Variants in ULK4 observed in about 807,000 individuals in gnomAD.
ULK4 encodes the protein unc-51 like kinase 4.
A neutral mutation model predicts 160.6 loss-of-function variants in ULK4; 133 were observed. The observed-to-expected ratio is 0.83, with a 90% CI of 0.72 to 0.96. The LOEUF (loss-of-function observed/expected upper bound fraction) is 0.96. Among genes scored for constraint, ULK4 ranks in the 40% least tolerant of loss-of-function variants. ULK4 has a pLI of 0.00. For synonymous variants in ULK4, 534 were observed against 539.8 expected, an observed-to-expected ratio of 0.99 and a Z score of 0.15; for missense variants, 1,580 against 1,499.5, an observed-to-expected ratio of 1.05 and a Z score of -0.89.
chr3:41,807,716 G>T (rs1173936093), intron 19 of ULK4, among the ~76,000 whole-genome samples: 1 of 152,088 alleles, frequency 6.6e-6, no homozygotes, highest in African/African-American at 2.4e-5. Context: ...AGACTGCTAG[G>T]AAAGAAATCT....
intron 32 of ULK4, among the ~76,000 whole-genome samples, chr3:41,541,160 TA>T (rs1357510206): frequency 6.6e-6 from 1 of 152,062 alleles, no homozygotes; most frequent in Non-Finnish European, 1.5e-5. Context: ...TTTATGGTTT[TA>T]TCTTACATTG....
chr3:41,886,180 G>A (rs979823962), intron 16 of ULK4, among the ~76,000 whole-genome samples: 2 of 152,204 alleles, frequency 1.3e-5, no homozygotes, highest in African/African-American at 4.8e-5. Context: ...TGTGCTGAAT[G>A]TGGAAGCTAC....
At chr3:41,711,890 C>A (rs1007570312) in intron 25 of ULK4, among the ~76,000 whole-genome samples, 2 of 152,206 alleles carry the variant, frequency 1.3e-5, no homozygotes, top group Non-Finnish European at 2.9e-5. Context: ...GTATTCACCA[C>A]AGAACTTCCC....
rs1559529598 is a variant in ULK4 at position 41,333,765 on chromosome 3, C to G, written c.3678+64314G>C. Among the ~76,000 whole-genome samples, 2 of 152,046 alleles carry G rather than the reference C, an allele frequency of 1.3e-5. 1 individual carries two copies. The highest frequency in any genetic ancestry group is 4.8e-5 in the African/African-American group (2 of 41,378). ...CGGGATAGAAACAGTAGAAAATAAACCAATTTGGCAGCACATCAGAATCGC... is the reference window on the plus strand; with the variant it reads ...CGGGATAGAAACAGTAGAAAATAAAGCAATTTGGCAGCACATCAGAATCGC... On this transcript the variant is annotated intron_variant, in intron 35 of 36. Coordinates refer to ENST00000301831, the MANE Select transcript of ULK4 (RefSeq NM_017886.4).
At chr3:41,382,731 C>G (rs1163432818) in intron 35 of ULK4, among the ~76,000 whole-genome samples, 2 of 152,020 alleles carry the variant, frequency 1.3e-5, no homozygotes, top group African/African-American at 4.8e-5. Context: ...TTAAAATACT[C>G]TCTTGGATAA....
chr3:41,939,308 C>T (rs1414191732), intron 2 of ULK4, among the ~76,000 whole-genome samples: 2 of 151,900 alleles, frequency 1.3e-5, no homozygotes, highest in African/African-American at 2.4e-5. Context: ...TACAGGTACA[C>T]ACCACCACAC....
At chr3:41,920,705 T>C (rs148049064) in intron 5 of ULK4, among the ~76,000 whole-genome samples, 13 of 152,292 alleles carry the variant, frequency 8.5e-5, no homozygotes, top group African/African-American at 3.1e-4. Flanking sequence ...GGAAACAAAA[T>C]TCCACTGAGG....
At chr3:41,832,903 T>A (rs548094422) in intron 18 of ULK4, among the ~76,000 whole-genome samples, 29 of 152,344 alleles carry the variant, frequency 1.9e-4, no homozygotes, top group African/African-American at 6.3e-4. Flanking sequence ...ATGTCTGTTT[T>A]GTACCAGTAC....
intron 34 of ULK4, among the ~76,000 whole-genome samples, chr3:41,425,596 C>T (rs1463932120): frequency 6.6e-6 from 1 of 151,484 alleles, no homozygotes; most frequent in Non-Finnish European, 1.5e-5. Flanking sequence ...CATAACCTCT[C>T]AGCAGAAGAG....
In ULK4 at chr3:41,789,810, C is replaced by T. The variant is rs751963696; in HGVS notation, c.2044G>A (p.Ala682Thr). The T allele has an allele frequency of 8.1e-6, 13 of 1,612,486 alleles. No individual in the cohort carries two copies. The highest frequency in any genetic ancestry group is 3.3e-5 in the Admixed American group (2 of 59,704). ...ACCTTTTCAATAACATTCTGGAAGG[C>T]AGTAGGAGAATGGCGAGTGATTCTA... ...LCRITRHSPT[A>T]FQNVIEKVGL... Residue 682 changes from alanine to threonine, a missense_variant, in exon 21 of 37, where the codon GCC becomes ACC. Ala to Thr is a moderately conservative substitution (Grantham distance 58). Transcript: ENST00000301831.
At chr3:41,631,406 AGACT>A (rs1321506328) in intron 30 of ULK4, among the ~76,000 whole-genome samples, 2 of 152,212 alleles carry the variant, frequency 1.3e-5, no homozygotes, top group Non-Finnish European at 2.9e-5. Flanking sequence ...CCAAGTTATA[AGACT>A]GACTGCTTAA....
chr3:41,359,360 G>A (rs1042368320), intron 35 of ULK4, among the ~76,000 whole-genome samples: 1 of 152,230 alleles, frequency 6.6e-6, no homozygotes, highest in African/African-American at 2.4e-5. Flanking sequence ...CTCCCCTAGG[G>A]AGCAAACCCA....
intron 32 of ULK4, among the ~76,000 whole-genome samples, chr3:41,526,688 G>A (rs1027114971): frequency 1.3e-5 from 2 of 152,154 alleles, no homozygotes; most frequent in African/African-American, 4.8e-5. Context: ...TGTTTGGGGG[G>A]TGGAGGGGAG....
intron 31 of ULK4, among the ~76,000 whole-genome samples, chr3:41,611,456 T>G (rs937757949): frequency 6.6e-6 from 1 of 152,218 alleles, no homozygotes; most frequent in African/African-American, 2.4e-5. Flanking sequence ...CTGCCCTGAA[T>G]GTGATGTTAG....
At chr3:41,752,817 T>A (rs993935638) in intron 22 of ULK4, among the ~76,000 whole-genome samples, 7 of 152,226 alleles carry the variant, frequency 4.6e-5, no homozygotes, top group African/African-American at 1.4e-4. Flanking sequence ...AGCAAAATGT[T>A]ATCTCCCCCT....
chr3:41,591,871 A>G (rs2031335565), intron 31 of ULK4, among the ~76,000 whole-genome samples: 1 of 152,228 alleles, frequency 6.6e-6, no homozygotes, highest in Admixed American at 6.5e-5. Context: ...CATCTCACTA[A>G]TAATAGATAA....
intron 32 of ULK4, among the ~76,000 whole-genome samples, chr3:41,495,366 G>C (rs1245591830): frequency 2.6e-5 from 4 of 151,998 alleles, no homozygotes; most frequent in Non-Finnish European, 5.9e-5. Flanking sequence ...GGGAAAACTG[G>C]CTAGCCATAT....
chr3:41,683,718 C>T (rs187985097), intron 27 of ULK4, among the ~76,000 whole-genome samples: 109 of 152,034 alleles, frequency 7.2e-4, no homozygotes, highest in African/African-American at 2.6e-3. Context: ...CAGTAGACAC[C>T]CATGTGGCAC....
chr3:41,844,003 C>T (rs985760932), intron 17 of ULK4, among the ~76,000 whole-genome samples: 1 of 152,178 alleles, frequency 6.6e-6, no homozygotes, highest in African/African-American at 2.4e-5. Context: ...CATTCACAAA[C>T]CCTGAGTTAG....
Sources: gnomAD v4.1 joint callset for allele counts (sites outside exome capture counted in the v4.1 genomes callset) on GRCh38, gnomAD v4.1.1 for gene constraint, MANE v1.5 for transcripts, NCBI Gene and HGNC (gene_info 2026-07-23, HGNC 2026-07-21) for gene names.